SHISAL1: variants seen among roughly 807,000 people sequenced by gnomAD.
The protein encoded by SHISAL1 is protein shisa-like-1.
SHISAL1 carries 9 observed loss-of-function variants against 22.6 expected under a neutral mutation model. The ratio of observed to expected loss-of-function variants is 0.40; its 90% CI spans 0.24 to 0.70. The LOEUF (loss-of-function observed/expected upper bound fraction) is 0.70. Ranked by LOEUF, SHISAL1 falls within the 30% of genes least tolerant of loss-of-function variation. The pLI is 0.39. For synonymous variants in SHISAL1, 119 were observed against 115.4 expected (o/e 1.03, Z -0.20); for missense variants, 246 against 270.6 (o/e 0.91, Z 0.64).
rs533731028 is a variant in SHISAL1 at position 44,279,346 on chromosome 22, T to C, written c.599+6082A>G. Among the ~76,000 whole-genome samples, 6 of 152,290 alleles carry C rather than the reference T, an allele frequency of 3.9e-5. No homozygotes were observed. The South Asian group carries it at 1.2e-3, about 32-fold the overall frequency. ...ACATCAACTGTCTTCTGAATTCCAA[T>C]CACAGAAGCCTCCTTGGTATTTGAT... On this transcript the variant is annotated intron_variant, in intron 4 of 4. Coordinates refer to ENST00000381176, the MANE Select transcript of SHISAL1 (RefSeq NM_001099294.2).
Position 44,296,572 on chromosome 22 carries a change from GCGGTTACCCAACC to G in SHISAL1, c.281+87_281+99del, listed in dbSNP as rs2055387407. On this transcript the variant is annotated intron_variant, in intron 3 of 4. Coordinates refer to ENST00000381176, the MANE Select transcript of SHISAL1 (RefSeq NM_001099294.2). ...CCTTCCAGGCCCACCCAACCTTATA[GCGGTTACCCAACC>G]GCCTCCCTAGGGGACGCGATTTTGG... 1.3e-5 allele frequency: 13 copies of G among 993,576 alleles called. No homozygotes were observed. The East Asian group carries it at 1.8e-4, about 14-fold the overall frequency. 61.5% of individuals were successfully genotyped at this position (993,576 alleles called of 1,614,324 possible). A position where few individuals can be genotyped will look rare whatever the true frequency, so the allele number is the denominator to read the frequency against.
chr22:44,249,276 G>C lies in SHISAL1; in HGVS notation c.*409C>G, dbSNP rs1430895685. 5.7e-6 allele frequency: 1 copy of C among 175,278 alleles called. No homozygotes were observed. Among genetic ancestry groups the C allele is most frequent in the Non-Finnish European group, 1.2e-5 (1 of 83,340 alleles). 10.9% of individuals were successfully genotyped at this position (175,278 alleles called of 1,614,324 possible). On this transcript the variant is annotated 3_prime_UTR_variant, in exon 5 of 5. Coordinates refer to ENST00000381176, the MANE Select transcript of SHISAL1 (RefSeq NM_001099294.2). Reference sequence around the variant, plus strand: ...AATATTCTGACACAAATAGCCCCAAGGGGCCACTACTGGAGGGAGCAGGGG... The same window carrying C: ...AATATTCTGACACAAATAGCCCCAACGGGCCACTACTGGAGGGAGCAGGGG...
rs556941546 is a variant in SHISAL1, at chr22:44,267,275, G to C, written c.*-17590C>G. 2.6e-5 allele frequency among the ~76,000 whole-genome samples: 4 copies of C among 152,120 alleles called. No homozygotes were observed. The South Asian group carries it at 6.2e-4, about 24-fold the overall frequency. On this transcript the variant is annotated intron_variant, in intron 4 of 4. Coordinates refer to ENST00000381176, the MANE Select transcript of SHISAL1 (RefSeq NM_001099294.2). ...CCCAGGCCCATTGCAGTGGTCTCTC[G>C]GGGCATCTCAAACTCAAAACACTCC...
At chr22:44,263,965 A>C (rs1373460867) in intron 4 of SHISAL1, among the ~76,000 whole-genome samples, 1 of 152,218 alleles carries the variant, frequency 6.6e-6, no homozygotes, top group Admixed American at 6.5e-5. Context: ...GTGTGCATTC[A>C]CTTCACCAAG....
At chr22:44,304,326 C>T (rs1205089400) in intron 1 of SHISAL1, among the ~76,000 whole-genome samples, 1 of 152,260 alleles carries the variant, frequency 6.6e-6, no homozygotes, top group Non-Finnish European at 1.5e-5. Flanking sequence ...GTGCTCATGG[C>T]CTGGCCCTGG....
intron 4 of SHISAL1, among the ~76,000 whole-genome samples, chr22:44,268,798 C>T (rs1294986988): frequency 6.6e-6 from 1 of 152,126 alleles, no homozygotes. Flanking sequence ...CACCTGGGGG[C>T]AGGGATGGGG....
the SHISAL1 span, among the ~76,000 whole-genome samples, chr22:44,321,211 T>C: frequency 6.6e-6 from 1 of 152,070 alleles, no homozygotes; most frequent in Non-Finnish European, 1.5e-5. Context: ...TCTCCAGCAA[T>C]CCAGTAACTA....
At chr22:44,269,174 T>C (rs1312731830) in intron 4 of SHISAL1, among the ~76,000 whole-genome samples, 4 of 141,200 alleles carry the variant, frequency 2.8e-5, no homozygotes, top group Non-Finnish European at 6.1e-5. Flanking sequence ...ATCCACACAA[T>C]ATCACATACA....
chr22:44,313,216 G>C (rs1601809822), upstream of SHISAL1, among the ~76,000 whole-genome samples: 1 of 152,236 alleles, frequency 6.6e-6, no homozygotes, highest in Non-Finnish European at 1.5e-5. Context: ...CAGGGCACCG[G>C]GCTCCAGGTC....
At position 44,285,625 on chromosome 22, in the gene SHISAL1, C is replaced by T. The variant is rs761238845; in HGVS notation, c.402G>A (p.Arg134=). The change falls in exon 4 of 5, where the codon CGG becomes CGA. Residue 134 remains arginine (R), a synonymous_variant. Transcript: ENST00000381176. ...TCATCCATCGTCCTTGGATGCCCCA[C>T]CGTGCCAGGTAGACCTTGCAGATGT... The part of the protein sequence containing the change: ...NYDICKVYLA[R]WGIQGRWMKQ... 34 of 1,614,236 alleles carry T rather than the reference C, an allele frequency of 2.1e-5. No individual in the cohort carries two copies. The highest frequency in any genetic ancestry group is 2.6e-5 in the Non-Finnish European group (31 of 1,180,024).
intron 3 of SHISAL1, among the ~76,000 whole-genome samples, chr22:44,290,046 A>C (rs1220599811): frequency 6.6e-6 from 1 of 152,214 alleles, no homozygotes; most frequent in African/African-American, 2.4e-5. Flanking sequence ...TTCCCGGGGC[A>C]CAGGAGCAGA....
intron 3 of SHISAL1, among the ~76,000 whole-genome samples, chr22:44,291,606 G>A (rs910208681): frequency 6.6e-6 from 1 of 151,986 alleles, no homozygotes; most frequent in Non-Finnish European, 1.5e-5. Context: ...GCCAAGGGAG[G>A]GACCACCGTC....
intron 4 of SHISAL1, among the ~76,000 whole-genome samples, chr22:44,261,298 G>A (rs986045881): frequency 1.3e-5 from 2 of 151,818 alleles, no homozygotes; most frequent in South Asian, 4.2e-4. Flanking sequence ...AGCCCAGTGT[G>A]CTCTTCACAC....
chr22:44,305,353 G>A (rs1435641385), intron 1 of SHISAL1, among the ~76,000 whole-genome samples: 2 of 152,186 alleles, frequency 1.3e-5, no homozygotes, highest in African/African-American at 2.4e-5. Context: ...CCCGTTATGC[G>A]ATTCTTCCCA....
rs1445803115 is a variant in SHISAL1 at position 44,247,764 on chromosome 22, CT to C, written c.*1920del. 6.6e-6 allele frequency: 1 copy of C among 152,284 alleles called. No individual in the cohort carries two copies. The highest frequency in any genetic ancestry group is 2.4e-5 in the African/African-American group (1 of 41,458). The allele number at this position is 152,284 out of a possible 1,614,324, so 9.4% of individuals were successfully genotyped here. On this transcript the variant is annotated 3_prime_UTR_variant, in exon 5 of 5. Transcript: ENST00000381176. ...TTTATACCCTAGCAAGTTTGTTCTG[CT>C]TTTCCAAAGGCAGGACATTGTGTTT...
At chr22:44,292,023 G>A (rs1450110124) in intron 3 of SHISAL1, among the ~76,000 whole-genome samples, 3 of 152,222 alleles carry the variant, frequency 2.0e-5, no homozygotes, top group Admixed American at 6.5e-5. Flanking sequence ...TGGGCTTGGC[G>A]AGGCTGCTTC....
chr22:44,248,366 C>T lies in SHISAL1; in HGVS notation c.*1319G>A, dbSNP rs2055021629. On this transcript the variant is annotated 3_prime_UTR_variant, in exon 5 of 5. Coordinates refer to ENST00000381176, the MANE Select transcript of SHISAL1 (RefSeq NM_001099294.2). ...GCTGGGGGAGATTTGGTATCACTAA[C>T]ACCCATGGAATGAGTGTGTCTACAC... The T allele has an allele frequency of 6.6e-6, 1 of 152,254 alleles. No homozygotes were observed. Among genetic ancestry groups the T allele is most frequent in the Admixed American group, 6.5e-5 (1 of 15,282 alleles). The allele number at this position is 152,254 out of a possible 1,614,324, so 9.4% of individuals were successfully genotyped here. A position where few individuals can be genotyped will look rare whatever the true frequency, so the allele number is the denominator to read the frequency against.
At chr22:44,288,012 TGTGG>T (rs2055328046) in intron 3 of SHISAL1, among the ~76,000 whole-genome samples, 1 of 151,506 alleles carries the variant, frequency 6.6e-6, no homozygotes, top group African/African-American at 2.4e-5. Flanking sequence ...CAGCTGGGGG[TGTGG>T]CTGGGCCACA....
chr22:44,288,075 C>T (rs879535483), intron 3 of SHISAL1, among the ~76,000 whole-genome samples: 29 of 152,312 alleles, frequency 1.9e-4, no homozygotes, highest in African/African-American at 2.6e-4. Context: ...CCAGAAGTGG[C>T]AGTGGACGCT....
Sources: gnomAD v4.1 joint callset for allele counts (sites outside exome capture counted in the v4.1 genomes callset) on GRCh38, gnomAD v4.1.1 for gene constraint, MANE v1.5 for transcripts, NCBI Gene and HGNC (gene_info 2026-07-23, HGNC 2026-07-21) for gene names.